The following CRISP1 variants were observed in gnomAD, a reference collection of about 807,000 sequenced individuals.
The protein encoded by CRISP1 is cysteine rich secretory protein 1.
CRISP1 carries 44 observed loss-of-function variants against 33.1 expected under a neutral mutation model. The observed-to-expected ratio is 1.33, with a 90% confidence interval of 1.05 to 1.71. The LOEUF (loss-of-function observed/expected upper bound fraction) is 1.71. CRISP1 is among the 40% of genes most tolerant of loss of function. The probability of loss-of-function intolerance (pLI) is 0.00; values close to 1 mark genes in which losing one functional copy is unlikely to be tolerated. For missense variants in CRISP1, 390 were observed against 301.2 expected, an observed-to-expected ratio of 1.29 and a Z score of -2.18; for synonymous variants, 103 against 98.7, an observed-to-expected ratio of 1.04 and a Z score of -0.26.
chr6:49,836,358 C>T (rs751308548), intron 7 of CRISP1, among the ~76,000 whole-genome samples: 15 of 146,942 alleles, frequency 1.0e-4, no homozygotes, highest in East Asian at 2.0e-4. Context: ...TTTTTTGAGA[C>T]GGAGTCTCGC....
At chr6:49,844,362 A>T (rs1283256873) in intron 5 of CRISP1, among the ~76,000 whole-genome samples, 1 of 152,152 alleles carries the variant, frequency 6.6e-6, no homozygotes, top group Admixed American at 6.5e-5. Flanking sequence ...CATGATAGAG[A>T]TATTTCACTT....
Position 49,838,497 on chromosome 6 carries a change from G to T in CRISP1, c.562C>A (p.Pro188Thr), listed in dbSNP as rs749780934. ...EGNDPETKNE[P>T]YKTGVPCEAC... Reference sequence around the variant, plus strand: ...TCACATGGGACGCCTGTCTTATAAGGTTCATTCTTTGTTTCAGGATCATTT... The same window carrying T: ...TCACATGGGACGCCTGTCTTATAAGTTTCATTCTTTGTTTCAGGATCATTT... Residue 188 changes from proline (P) to threonine (T), a missense_variant, in exon 7 of 8, where the codon CCT becomes ACT. Coordinates refer to ENST00000335847, the MANE Select transcript of CRISP1 (RefSeq NM_001131.3). 6 of 1,612,744 alleles carry T rather than the reference G, an allele frequency of 3.7e-6. No individual in the cohort carries two copies. Among genetic ancestry groups the T allele is most frequent in the Admixed American group, 3.3e-5 (2 of 59,844 alleles).
chr6:49,862,067 G>A (rs770158799), intron 1 of CRISP1, among the ~76,000 whole-genome samples: 2 of 152,078 alleles, frequency 1.3e-5, no homozygotes, highest in Non-Finnish European at 2.9e-5. Flanking sequence ...AATCACTTGA[G>A]AGAAAGAAAT....
chr6:49,856,040 G>A (rs568788446), intron 2 of CRISP1, among the ~76,000 whole-genome samples: 1 of 152,244 alleles, frequency 6.6e-6, no homozygotes, highest in South Asian at 2.1e-4. Flanking sequence ...CTGTTATAGA[G>A]CATCAACCTA....
chr6:49,867,770 ACT>A (rs566243857), upstream of CRISP1, among the ~76,000 whole-genome samples: 3 of 152,040 alleles, frequency 2.0e-5, no homozygotes, highest in South Asian at 4.2e-4. Flanking sequence ...TTATCTGTAA[ACT>A]CTTTCATAGA....
chr6:49,854,491 C>A (rs1240195208), intron 2 of CRISP1, among the ~76,000 whole-genome samples: 3 of 152,176 alleles, frequency 2.0e-5, no homozygotes, highest in African/African-American at 7.2e-5. Context: ...CCTCAGCCCC[C>A]CAGTAGCTAG....
intron 2 of CRISP1, among the ~76,000 whole-genome samples, chr6:49,854,355 T>C (rs1377595648): frequency 6.6e-6 from 1 of 152,182 alleles, no homozygotes; most frequent in East Asian, 1.9e-4. Flanking sequence ...GCAGTGTTTA[T>C]TTATGATTAT....
intron 2 of CRISP1, 88 bp downstream of exon 2, chr6:49,857,247 C>G: frequency 3.1e-6 from 4 of 1,296,038 alleles, no homozygotes; most frequent in Middle Eastern, 1.9e-4. Flanking sequence ...GGCCTCACAA[C>G]AGTGCCTCTA....
At chr6:49,847,006 C>G (rs774166991) in intron 4 of CRISP1, among the ~76,000 whole-genome samples, 2 of 152,090 alleles carry the variant, frequency 1.3e-5, no homozygotes, top group African/African-American at 4.8e-5. Context: ...TTAAAGGAAG[C>G]TACACACAGG....
rs755498865 is a variant in CRISP1, at chr6:49,835,416, T to C, written c.650A>G (p.Tyr217Cys). 3.7e-6 allele frequency: 6 copies of C among 1,613,652 alleles called. No homozygotes were observed. Among genetic ancestry groups the C allele is most frequent in the Non-Finnish European group, 5.1e-6 (6 of 1,179,722 alleles). ...ATGGACTTGTATGTCACAGTCGAAG[T>C]ATTCATCATAGTAGATGCAGGGGTT... Reference protein sequence around the residue: ...CTNPCIYYDEYFDCDIQVHYL... With the variant: ...CTNPCIYYDECFDCDIQVHYL... The change falls in exon 8 of 8, where the codon TAC becomes TGC. Residue 217 changes from tyrosine to cysteine, a missense_variant. Coordinates refer to ENST00000335847, the MANE Select transcript of CRISP1 (RefSeq NM_001131.3).
Position 49,862,775 on chromosome 6 carries a change from G to T in CRISP1, c.-3+3654C>A, listed in dbSNP as rs144614587. Among the ~76,000 whole-genome samples the T allele has an allele frequency of 2.2e-3, 328 of 151,156 alleles. 1 individual carries two copies. Among genetic ancestry groups the T allele is most frequent in the African/African-American group, 6.8e-3 (281 of 41,192 alleles). On this transcript the variant is annotated intron_variant, in intron 1 of 7. Coordinates refer to ENST00000335847, the MANE Select transcript of CRISP1 (RefSeq NM_001131.3). Reference sequence around the variant, plus strand: ...CTTGAGGTCAATGAATAGGTAAAATGCGTACACTCAAAGTTACACCTTCTC... The same window carrying T: ...CTTGAGGTCAATGAATAGGTAAAATTCGTACACTCAAAGTTACACCTTCTC...
At chr6:49,867,719 T>C (rs2127478890), upstream of CRISP1, among the ~76,000 whole-genome samples, 1 of 152,216 alleles carries the variant, frequency 6.6e-6, no homozygotes, top group Non-Finnish European at 1.5e-5. Context: ...ATTTCTCTTT[T>C]GGTTGAGGGA....
chr6:49,857,320 C>G lies in CRISP1; in HGVS notation c.66+15G>C, dbSNP rs1346129267. The G allele has an allele frequency of 1.9e-6, 3 of 1,610,466 alleles. No individual in the cohort carries two copies. The highest frequency in any genetic ancestry group is 2.7e-5 in the African/African-American group (2 of 74,778). ...TATTTAGAAAGTAATTATGAAACATCCAACCCTCACATACTTTCATGGACA... is the reference window on the plus strand; with the variant it reads ...TATTTAGAAAGTAATTATGAAACATGCAACCCTCACATACTTTCATGGACA... On this transcript the variant is annotated intron_variant, in intron 2 of 7. Transcript: ENST00000335847.
At chr6:49,867,109 C>G (rs1250574244), upstream of CRISP1, among the ~76,000 whole-genome samples, 3 of 152,102 alleles carry the variant, frequency 2.0e-5, no homozygotes, top group Non-Finnish European at 4.4e-5. Context: ...CAACTAACTA[C>G]CTTGAGAGGT....
upstream of CRISP1, among the ~76,000 whole-genome samples, chr6:49,868,363 T>A (rs1029803171): frequency 6.6e-6 from 1 of 152,208 alleles, no homozygotes; most frequent in Non-Finnish European, 1.5e-5. Flanking sequence ...TCTGACACAT[T>A]TATCTAGCAT....
chr6:49,850,180 T>C (rs1771307631), intron 3 of CRISP1, among the ~76,000 whole-genome samples: 1 of 151,672 alleles, frequency 6.6e-6, no homozygotes, highest in Admixed American at 6.6e-5. Flanking sequence ...CACACCAGCA[T>C]GGCACATGTA....
intron 3 of CRISP1, among the ~76,000 whole-genome samples, chr6:49,849,125 G>T (rs189115547): frequency 3.2e-4 from 48 of 152,234 alleles, no homozygotes; most frequent in African/African-American, 1.2e-3. Context: ...TCCCAATGCA[G>T]AAAGGGAGAA....
At chr6:49,866,630 T>A (rs1162341666), upstream of CRISP1, 1 of 151,896 alleles carries the variant, frequency 6.6e-6, no homozygotes, top group Non-Finnish European at 1.5e-5. Context: ...AAATCTAGAG[T>A]CTGTGAAGAT....
intron 1 of CRISP1, among the ~76,000 whole-genome samples, chr6:49,863,289 A>G (rs375633298): frequency 6.6e-5 from 10 of 152,292 alleles, no homozygotes; most frequent in East Asian, 1.9e-4. Context: ...TCTTATCCCA[A>G]TGTTCCAATA....
Sources: allele counts gnomAD v4.1 joint callset (sites outside exome capture counted in the v4.1 genomes callset), GRCh38; gene constraint gnomAD v4.1.1; transcripts MANE v1.5; gene names NCBI Gene and HGNC (gene_info 2026-07-23, HGNC 2026-07-21).